GREM2: variants seen among roughly 807,000 people sequenced by gnomAD.
The protein encoded by GREM2 is gremlin-2.
A neutral mutation model predicts 14.2 loss-of-function variants in GREM2; 11 were observed. The ratio of observed to expected loss-of-function variants is 0.78; its 90% CI spans 0.49 to 1.28. The LOEUF (loss-of-function observed/expected upper bound fraction) is 1.28. GREM2 is among the 50% of genes most tolerant of loss of function. GREM2 has a pLI of 0.00. For missense variants in GREM2, 210 were observed against 218.5 expected, an observed-to-expected ratio of 0.96 and a Z score of 0.24; for synonymous variants, 98 against 97.6, an observed-to-expected ratio of 1.00 and a Z score of -0.02.
At chr1:240,495,181 T>C (rs1480127364) in intron 1 of GREM2, among the ~76,000 whole-genome samples, 1 of 152,226 alleles carries the variant, frequency 6.6e-6, no homozygotes, top group East Asian at 1.9e-4. Flanking sequence ...CCCAGCAATA[T>C]TGAGGACTCT....
intron 1 of GREM2, among the ~76,000 whole-genome samples, chr1:240,569,634 G>T (rs1369588314): frequency 6.6e-6 from 1 of 152,158 alleles, no homozygotes; most frequent in African/African-American, 2.4e-5. Flanking sequence ...GGAACAGCTG[G>T]CTATCCATAG....
At chr1:240,527,157 G>C (rs1473068672) in intron 1 of GREM2, among the ~76,000 whole-genome samples, 3 of 152,154 alleles carry the variant, frequency 2.0e-5, no homozygotes, top group Non-Finnish European at 4.4e-5. Flanking sequence ...TCCTTTTCTA[G>C]ATCTGGTGGT....
intron 1 of GREM2, among the ~76,000 whole-genome samples, chr1:240,555,154 GAAA>G: frequency 2.3e-5 from 1 of 43,914 alleles, no homozygotes; most frequent in African/African-American, 1.1e-4. Flanking sequence ...TCAAAAAAAA[GAAA>G]GAAAGAAAGA....
chr1:240,606,514 C>G (rs1680027931), intron 1 of GREM2, among the ~76,000 whole-genome samples: 1 of 152,102 alleles, frequency 6.6e-6, no homozygotes, highest in African/African-American at 2.4e-5. Flanking sequence ...CTGGTCTTTC[C>G]TACTAGTATT....
rs548637109 is a variant in GREM2, at chr1:240,542,107, G to T, written c.-1-48631C>A. Among the ~76,000 whole-genome samples the T allele has an allele frequency of 2.0e-5, 3 of 152,102 alleles. No homozygotes were observed. Among genetic ancestry groups the T allele is most frequent in the East Asian group, 3.9e-4 (2 of 5,148 alleles). ...GACGGCTGCTACTGAAATCTAGAAGGTCGAGGCCAAGGAGGATGCCGAACA... is the reference window on the plus strand; with the variant it reads ...GACGGCTGCTACTGAAATCTAGAAGTTCGAGGCCAAGGAGGATGCCGAACA... On this transcript the variant is annotated intron_variant, in intron 1 of 1. Coordinates refer to ENST00000318160, the MANE Select transcript of GREM2 (RefSeq NM_022469.4). The surrounding 1 kb of genome is among the most constrained non-coding windows in gnomAD (Gnocchi z 4.1).
chr1:240,606,631 C>A (rs1680030268), intron 1 of GREM2, among the ~76,000 whole-genome samples: 1 of 151,564 alleles, frequency 6.6e-6, no homozygotes, highest in Admixed American at 6.6e-5. Context: ...TGAATGAAGG[C>A]ACAACATACT....
intron 1 of GREM2, among the ~76,000 whole-genome samples, chr1:240,559,340 CTTTT>C (rs61006579): frequency 8.2e-5 from 9 of 110,100 alleles, no homozygotes; most frequent in Admixed American, 2.0e-4. Flanking sequence ...ATCAAAAAGT[CTTTT>C]TTTTTTTTTT....
chr1:240,499,950 C>G (rs986974793), intron 1 of GREM2, among the ~76,000 whole-genome samples: 4 of 152,190 alleles, frequency 2.6e-5, no homozygotes, highest in African/African-American at 4.8e-5. Flanking sequence ...CTGCTCCAAA[C>G]ATTTTCTATC....
chr1:240,604,956 G>A (rs1679998575), intron 1 of GREM2, among the ~76,000 whole-genome samples: 1 of 152,210 alleles, frequency 6.6e-6, no homozygotes, highest in Non-Finnish European at 1.5e-5. Flanking sequence ...GTCATAGCCT[G>A]TTCCTCTTCC....
rs189782787 is a variant in GREM2, at chr1:240,520,012, G to A, written c.-1-26536C>T. 2.4e-3 allele frequency among the ~76,000 whole-genome samples: 367 copies of A among 152,054 alleles called. 1 individual carries two copies. The highest frequency in any genetic ancestry group is 7.4e-3 in the African/African-American group (305 of 41,468). On this transcript the variant is annotated intron_variant, in intron 1 of 1. Transcript: ENST00000318160. Reference sequence around the variant, plus strand: ...TGAGAACCGCTTGAACCCGAGAGACGGAGGTTGCGGTGAGCCAGGATTGTG... The same window carrying A: ...TGAGAACCGCTTGAACCCGAGAGACAGAGGTTGCGGTGAGCCAGGATTGTG...
At chr1:240,562,848 GTA>G (rs1221624707) in intron 1 of GREM2, among the ~76,000 whole-genome samples, 19 of 147,026 alleles carry the variant, frequency 1.3e-4, no homozygotes, top group Non-Finnish European at 1.8e-4. Flanking sequence ...ATATGAGTGT[GTA>G]TGTGTGTATG....
chr1:240,549,939 G>A (rs1421854819), intron 1 of GREM2: 1 of 152,338 alleles, frequency 6.6e-6, no homozygotes, highest in Non-Finnish European at 1.5e-5. Context: ...AGGCAAATAG[G>A]AGTAGAAAGG....
At chr1:240,493,551 TTA>T in intron 1 of GREM2, 75 bp from the exon 2 acceptor site, 1 of 1,431,922 alleles carries the variant, frequency 7.0e-7, no homozygotes, top group Non-Finnish European at 9.2e-7. Context: ...ATTTTTTTTT[TTA>T]TTTTAGACAT....
intron 1 of GREM2, among the ~76,000 whole-genome samples, chr1:240,562,998 GTA>G (rs149588274): frequency 0.072 from 10,750 of 149,594 alleles, 934 homozygotes; most frequent in African/African-American, 0.21. Flanking sequence ...GTGTATGTGT[GTA>G]TATGTGAGTG....
intron 1 of GREM2, among the ~76,000 whole-genome samples, chr1:240,519,160 GA>G (rs1373926640): frequency 2.9e-5 from 4 of 140,136 alleles, no homozygotes; most frequent in African/African-American, 5.2e-5. Context: ...TTAGTTTAAG[GA>G]AAAAACAAAA....
chr1:240,564,209 AAAAT>A (rs1167920848), intron 1 of GREM2, among the ~76,000 whole-genome samples: 7 of 152,162 alleles, frequency 4.6e-5, no homozygotes, highest in Admixed American at 2.6e-4. Context: ...CCCTGTCTCA[AAAAT>A]AAATAAATAG....
At chr1:240,493,760 G>T (rs925669346) in intron 1 of GREM2, among the ~76,000 whole-genome samples, 3 of 152,054 alleles carry the variant, frequency 2.0e-5, no homozygotes, top group Non-Finnish European at 4.4e-5. Flanking sequence ...GGAACTCCTG[G>T]CCTCAAGCGC....
chr1:240,563,060 AGTGTGTAT>A (rs1485747544), intron 1 of GREM2, among the ~76,000 whole-genome samples: 4 of 126,626 alleles, frequency 3.2e-5, no homozygotes, highest in African/African-American at 9.1e-5. Flanking sequence ...GTGTATAGTG[AGTGTGTAT>A]GTGTGTATAT....
At chr1:240,591,146 C>T (rs1460957176) in intron 1 of GREM2, among the ~76,000 whole-genome samples, 3 of 152,110 alleles carry the variant, frequency 2.0e-5, no homozygotes, top group Non-Finnish European at 4.4e-5. Context: ...TTTCCCTGTC[C>T]ACCCCATCAA....
Sources: allele counts gnomAD v4.1 joint callset (sites outside exome capture counted in the v4.1 genomes callset), GRCh38; gene constraint gnomAD v4.1.1; non-coding constraint Gnocchi (gnomAD v3.1); transcripts MANE v1.5; gene names NCBI Gene and HGNC (gene_info 2026-07-23, HGNC 2026-07-21).